The following SEMA3D variants were observed in gnomAD, a reference collection of about 807,000 sequenced individuals.
SEMA3D encodes the protein semaphorin-3D.
A neutral mutation model predicts 100.1 loss-of-function variants in SEMA3D; 84 were observed. The ratio of observed to expected loss-of-function variants is 0.84; its 90% CI spans 0.70 to 1.01. The LOEUF (loss-of-function observed/expected upper bound fraction) is 1.01. SEMA3D is among the 50% of genes least tolerant of loss of function. The probability of loss-of-function intolerance (pLI) is 0.00; values close to 1 mark genes in which losing one functional copy is unlikely to be tolerated. For synonymous variants in SEMA3D, 312 were observed against 320.7 expected (o/e 0.97, Z 0.29); for missense variants, 875 against 934.1 (o/e 0.94, Z 0.82).
intron 1 of SEMA3D, among the ~76,000 whole-genome samples, chr7:85,184,692 GTACTGTTTTACTGTC>G (rs1333002630): frequency 1.3e-5 from 2 of 152,136 alleles, no homozygotes; most frequent in African/African-American, 2.4e-5. Context: ...ATTCGAATCA[GTACTGTTTTACTGTC>G]TGTCAGCCCT....
intron 2 of SEMA3D, among the ~76,000 whole-genome samples, chr7:85,147,072 C>CTTTCTTTTCTT (rs1790228593): frequency 5.4e-5 from 4 of 74,010 alleles, no homozygotes; most frequent in African/African-American, 1.7e-4. Context: ...GTCCATCTTT[C>CTTTCTTTTCTT]TTTCTTTTCT....
intron 1 of SEMA3D, among the ~76,000 whole-genome samples, chr7:85,182,927 A>G (rs1265065220): frequency 1.3e-5 from 2 of 152,206 alleles, no homozygotes; most frequent in Non-Finnish European, 2.9e-5. Flanking sequence ...GTTCATGAAG[A>G]AAATTATTTA....
intron 8 of SEMA3D, among the ~76,000 whole-genome samples, chr7:85,057,861 G>A (rs545911647): frequency 1.3e-5 from 2 of 151,480 alleles, no homozygotes; most frequent in African/African-American, 4.9e-5. Flanking sequence ...AACCCAGAAG[G>A]CAGAGGTTGT....
rs532049175 is a variant in SEMA3D at position 85,174,577 on chromosome 7, T to G, written c.-173+12101A>C. Among the ~76,000 whole-genome samples the G allele has an allele frequency of 1.1e-4, 17 of 152,230 alleles. No homozygotes were observed. The East Asian group carries it at 3.3e-3, about 29-fold the overall frequency. On this transcript the variant is annotated intron_variant, in intron 1 of 18. Coordinates refer to ENST00000284136, the MANE Select transcript of SEMA3D (RefSeq NM_001384900.1). Reference sequence around the variant, plus strand: ...ATGCTATAAGAATATGGAAAAAAGATACCTAGGTAACAACCATTTGGTTTG... The same window carrying G: ...ATGCTATAAGAATATGGAAAAAAGAGACCTAGGTAACAACCATTTGGTTTG...
At position 85,114,560 on chromosome 7, in the gene SEMA3D, G is replaced by A. The variant is rs535607366; in HGVS notation, c.151+7181C>T. The stretch of plus-strand genomic sequence containing the variant: ...CTGGAGAGCTGGTAGGGAAGTATGG[G>A]TGTGTGCTGAGGGTGTGTTGGAAGA... On this transcript the variant is annotated intron_variant, in intron 3 of 18. Transcript: ENST00000284136. 2.0e-5 allele frequency among the ~76,000 whole-genome samples: 3 copies of A among 152,252 alleles called. No individual in the cohort carries two copies. In the South Asian group the frequency reaches 6.2e-4, roughly 32 times the overall value.
intron 12 of SEMA3D, among the ~76,000 whole-genome samples, chr7:85,033,615 A>G (rs933287496): frequency 2.0e-5 from 3 of 152,108 alleles, no homozygotes; most frequent in Admixed American, 6.6e-5. Context: ...GTTGTAATTA[A>G]TGTGAATAGT....
At chr7:85,222,547 T>C in the SEMA3D span, among the ~76,000 whole-genome samples, 1 of 152,154 alleles carries the variant, frequency 6.6e-6, no homozygotes, top group Non-Finnish European at 1.5e-5. Flanking sequence ...ATATTCACTG[T>C]TCTAAAAGTA....
chr7:85,060,926 T>G (rs1791461069), intron 8 of SEMA3D, among the ~76,000 whole-genome samples: 1 of 152,204 alleles, frequency 6.6e-6, no homozygotes, highest in Non-Finnish European at 1.5e-5. Context: ...CAAAAACATC[T>G]GCATGCATCT....
chr7:85,164,010 G>GT (rs1790821669), intron 1 of SEMA3D, among the ~76,000 whole-genome samples: 2 of 152,058 alleles, frequency 1.3e-5, no homozygotes, highest in African/African-American at 2.4e-5. Flanking sequence ...TGTTTACTAT[G>GT]AAATAAACTC....
At chr7:85,016,174 A>G (rs1011810281) in intron 15 of SEMA3D, among the ~76,000 whole-genome samples, 7 of 149,134 alleles carry the variant, frequency 4.7e-5, no homozygotes, top group African/African-American at 1.7e-4. Flanking sequence ...TAATGACTAT[A>G]TGTTCCTTGA....
At chr7:85,156,987 C>A (rs1388427342) in intron 1 of SEMA3D, among the ~76,000 whole-genome samples, 2 of 152,150 alleles carry the variant, frequency 1.3e-5, no homozygotes, top group Non-Finnish European at 2.9e-5. Flanking sequence ...AGTGTGTTTG[C>A]ATAATGGTTT....
upstream of SEMA3D, among the ~76,000 whole-genome samples, chr7:85,191,555 G>T (rs745347421): frequency 2.0e-5 from 3 of 152,048 alleles, no homozygotes; most frequent in African/African-American, 7.2e-5. Flanking sequence ...TATGAGTGAC[G>T]AAATAAAGAA....
chr7:85,084,570 GT>G (rs893376642), intron 4 of SEMA3D, among the ~76,000 whole-genome samples: 17 of 145,940 alleles, frequency 1.2e-4, no homozygotes, highest in East Asian at 6.0e-4. Context: ...CCTAGGAAAG[GT>G]TTTTTTTTTC....
chr7:85,091,857 C>A (rs991155712), intron 4 of SEMA3D, among the ~76,000 whole-genome samples: 2 of 151,996 alleles, frequency 1.3e-5, no homozygotes, highest in South Asian at 4.1e-4. Context: ...TAAAGTTCTT[C>A]TTTTATATAC....
At chr7:85,091,785 T>C (rs1788401601) in intron 4 of SEMA3D, among the ~76,000 whole-genome samples, 1 of 152,076 alleles carries the variant, frequency 6.6e-6, no homozygotes, top group South Asian at 2.1e-4. Context: ...GCATCACTTG[T>C]AAATGAATGA....
chr7:85,043,121 G>C (rs1203467783), intron 9 of SEMA3D, among the ~76,000 whole-genome samples: 1 of 152,122 alleles, frequency 6.6e-6, no homozygotes, highest in Non-Finnish European at 1.5e-5. Context: ...ACTTTGGGAG[G>C]CTGAGGCAGG....
At chr7:85,111,450 C>A (rs867045478) in intron 3 of SEMA3D, among the ~76,000 whole-genome samples, 48 of 152,138 alleles carry the variant, frequency 3.2e-4, no homozygotes, top group Non-Finnish European at 5.6e-4. Flanking sequence ...CAAAACAAAA[C>A]CACAAAAGCC....
chr7:85,083,427 T>G (rs975852516), intron 4 of SEMA3D, among the ~76,000 whole-genome samples: 2 of 152,228 alleles, frequency 1.3e-5, no homozygotes, highest in Admixed American at 6.5e-5. Context: ...ATAATCCAGA[T>G]GGAACACTGC....
At chr7:85,052,969 T>C (rs1441274923) in intron 9 of SEMA3D, among the ~76,000 whole-genome samples, 3 of 151,936 alleles carry the variant, frequency 2.0e-5, no homozygotes, top group African/African-American at 7.2e-5. Context: ...CTTAGTCTAA[T>C]AGTATCTTTG....
Sources: allele counts gnomAD v4.1 joint callset (sites outside exome capture counted in the v4.1 genomes callset), GRCh38; gene constraint gnomAD v4.1.1; transcripts MANE v1.5; gene names NCBI Gene and HGNC (gene_info 2026-07-23, HGNC 2026-07-21).